The following NIPA1 variants were observed in gnomAD, a reference collection of about 807,000 sequenced individuals.
NIPA1 encodes the protein magnesium transporter NIPA1.
Under a neutral mutation model 23.9 loss-of-function variants are expected in NIPA1, and 13 were observed. The ratio of observed to expected loss-of-function variants is 0.54; its 90% CI spans 0.35 to 0.87. The LOEUF (loss-of-function observed/expected upper bound fraction) is 0.87. Among genes scored for constraint, NIPA1 ranks in the 40% least tolerant of loss-of-function variants. The probability of loss-of-function intolerance (pLI) is 0.01; values close to 1 mark genes in which losing one functional copy is unlikely to be tolerated. For synonymous variants in NIPA1, 234 were observed against 202.9 expected, an observed-to-expected ratio of 1.15 and a Z score of -1.30; for missense variants, 362 against 429.7, an observed-to-expected ratio of 0.84 and a Z score of 1.39.
intron 4 of NIPA1, 49 bp from the exon 5 acceptor site, chr15:22,823,679 C>A (rs113933707): frequency 1.6e-4 from 243 of 1,556,534 alleles, no homozygotes; most frequent in Non-Finnish European, 2.0e-4. Context: ...TCCTGGGTTG[C>A]GGCTGCTAGG....
intron 1 of NIPA1, among the ~76,000 whole-genome samples, chr15:22,805,915 T>A (rs576415340): frequency 2.5e-4 from 38 of 152,176 alleles, no homozygotes; most frequent in African/African-American, 4.3e-4. Flanking sequence ...TTATTTATTT[T>A]TTTTTACTTA....
At chr15:22,790,205 C>T (rs968719824) in intron 1 of NIPA1, among the ~76,000 whole-genome samples, 1 of 152,138 alleles carries the variant, frequency 6.6e-6, no homozygotes, top group South Asian at 2.1e-4. Context: ...TTCATACTTC[C>T]CCAGTGACCA....
chr15:22,818,920 T>C (rs1415466273), intron 3 of NIPA1, among the ~76,000 whole-genome samples: 1 of 152,226 alleles, frequency 6.6e-6, no homozygotes, highest in East Asian at 1.9e-4. Context: ...CTTTCCCATC[T>C]TGGCATAGTC....
chr15:22,788,512 A>AG (rs1317534329), intron 1 of NIPA1, among the ~76,000 whole-genome samples: 1 of 151,384 alleles, frequency 6.6e-6, no homozygotes, highest in Admixed American at 6.6e-5. Flanking sequence ...AAAAAAAAAA[A>AG]AAATCTTGCA....
In NIPA1 at chr15:22,824,047, C is replaced by A; in HGVS notation, c.798C>A (p.Val266=). 6.2e-7 allele frequency: 1 copy of A among 1,614,086 alleles called. No homozygotes were observed. Among genetic ancestry groups the A allele is most frequent in the East Asian group, 2.2e-5 (1 of 44,868 alleles). ...CGGTGTTCGGGGCCATCTACTACGT[C>A]GTGTTTACCACGCTGGTCCTGCTGG... ...DSSVFGAIYY[V]VFTTLVLLAS... Residue 266 remains valine (V), a synonymous_variant, in exon 5 of 5, where the codon GTC becomes GTA. Transcript: ENST00000337435. This position sits in a 1 kb window ranked among gnomAD's most constrained non-coding sequence, Gnocchi z 4.1.
At position 22,827,440 on chromosome 15, in the gene NIPA1, GC is replaced by G; in HGVS notation, c.*3204del. The G allele has an allele frequency of 6.6e-6, 1 of 152,340 alleles. No homozygotes were observed. Among genetic ancestry groups the G allele is most frequent in the East Asian group, 1.9e-4 (1 of 5,178 alleles). The allele number at this position is 152,340 out of a possible 1,614,324, so 9.4% of individuals were successfully genotyped here. On this transcript the variant is annotated 3_prime_UTR_variant, in exon 5 of 5. Transcript: ENST00000337435. ...TCCTTCCAGTGCCACATGGAGTGAGGCCCTGCCCATGCTGGGGACTTTGGGG... is the reference window on the plus strand; with the variant it reads ...TCCTTCCAGTGCCACATGGAGTGAGGCCTGCCCATGCTGGGGACTTTGGGG...
Position 22,823,612 on chromosome 15 carries a change from G to T in NIPA1, c.479-116G>T, listed in dbSNP as rs918635447. ...CCCACATGCTCCCCAGGGCTGTGCC[G>T]CAGTAGAGGCCGGTGGCGGGTGGCG... On this transcript the variant is annotated intron_variant, in intron 4 of 4. Transcript: ENST00000337435. 9 of 990,776 alleles carry T rather than the reference G, an allele frequency of 9.1e-6. No homozygotes were observed. The East Asian group carries it at 1.6e-4, about 17-fold the overall frequency. 61.4% of individuals were successfully genotyped at this position (990,776 alleles called of 1,614,324 possible).
chr15:22,786,700 CGG>C lies in NIPA1; in HGVS notation c.45_46del (p.Ala16ArgfsTer6). ...GCAGCGGCGGCGGCGGCGGCGGCGG[CGG>C]CCGGGGAGGGGGCGCGTAGCCCGAG... On this transcript the variant is annotated frameshift_variant, in exon 1 of 5. Transcript: ENST00000337435. LOFTEE classifies it high-confidence loss of function. 1.8e-6 allele frequency: 2 copies of C among 1,131,050 alleles called. No homozygotes were observed. The highest frequency in any genetic ancestry group is 4.5e-5 in the Admixed American group (1 of 22,320). 70.1% of individuals were successfully genotyped at this position (1,131,050 alleles called of 1,614,324 possible). A position where few individuals can be genotyped will look rare whatever the true frequency, so the allele number is the denominator to read the frequency against.
chr15:22,824,797 A>G lies in NIPA1; in HGVS notation c.*558A>G, dbSNP rs1440451732. ...GACTCTTCGACCCCCACCCCCACCCAAGACATTTTAATAGTAAATAGAGAG... is the reference window on the plus strand; with the variant it reads ...GACTCTTCGACCCCCACCCCCACCCGAGACATTTTAATAGTAAATAGAGAG... On this transcript the variant is annotated 3_prime_UTR_variant, in exon 5 of 5. Coordinates refer to ENST00000337435, the MANE Select transcript of NIPA1 (RefSeq NM_144599.5). This position sits in a 1 kb window ranked among gnomAD's most constrained non-coding sequence, Gnocchi z 4.1. 2.0e-5 allele frequency: 1 copy of G among 50,962 alleles called. No individual in the cohort carries two copies. Among genetic ancestry groups the G allele is most frequent in the Non-Finnish European group, 4.0e-5 (1 of 24,722 alleles). The allele number at this position is 50,962 out of a possible 1,614,324, so 3.2% of individuals were successfully genotyped here.
At position 22,829,349 on chromosome 15, in the gene NIPA1, C is replaced by G. The variant is rs1385900907; in HGVS notation, c.*5110C>G. ...GACACCAGGCGAATGTCAGGGCTCC[C>G]AAACCACTAGTGCCAAAGGGTCATG... On this transcript the variant is annotated 3_prime_UTR_variant, in exon 5 of 5. Coordinates refer to ENST00000337435, the MANE Select transcript of NIPA1 (RefSeq NM_144599.5). The G allele has an allele frequency of 1.3e-5, 2 of 152,330 alleles. No individual in the cohort carries two copies. Among genetic ancestry groups the G allele is most frequent in the African/African-American group, 4.8e-5 (2 of 41,418 alleles). The allele number at this position is 152,330 out of a possible 1,614,324, so 9.4% of individuals were successfully genotyped here.
At chr15:22,815,476 T>C (rs1191868263) in intron 3 of NIPA1, among the ~76,000 whole-genome samples, 1 of 152,112 alleles carries the variant, frequency 6.6e-6, no homozygotes, top group African/African-American at 2.4e-5. Flanking sequence ...ACCCTGTCTC[T>C]ACTAAAAATA....
rs938323892 is a variant in NIPA1, at chr15:22,829,585, T to G, written c.*5346T>G. 2 of 152,160 alleles carry G rather than the reference T, an allele frequency of 1.3e-5. No individual in the cohort carries two copies. Among genetic ancestry groups the G allele is most frequent in the African/African-American group, 4.8e-5 (2 of 41,424 alleles). The allele number at this position is 152,160 out of a possible 1,614,324, so 9.4% of individuals were successfully genotyped here. A position where few individuals can be genotyped will look rare whatever the true frequency, so the allele number is the denominator to read the frequency against. On this transcript the variant is annotated 3_prime_UTR_variant, in exon 5 of 5. Transcript: ENST00000337435. ...AAATGTTGATTGGTTGTGTAAAAGT[T>G]TTGTCATAGACATGTATTGGGGAGC... is the stretch of plus-strand genomic sequence containing the variant.
rs190461989 is a variant in NIPA1, at chr15:22,800,183, T to A, written c.179-10566T>A. 4.1e-3 allele frequency among the ~76,000 whole-genome samples: 617 copies of A among 151,910 alleles called. 4 individuals are homozygous for A. Among genetic ancestry groups the A allele is most frequent in the Non-Finnish European group, 6.8e-3 (460 of 67,974 alleles). On this transcript the variant is annotated intron_variant, in intron 1 of 4. Coordinates refer to ENST00000337435, the MANE Select transcript of NIPA1 (RefSeq NM_144599.5). ...ATTACTCAACCACAACAACAACAAA[T>A]CATCCTTCCTCAGCAATTTCGCTTT... is the stretch of plus-strand genomic sequence containing the variant.
intron 1 of NIPA1, among the ~76,000 whole-genome samples, chr15:22,808,676 A>ATTTTTTTTTTTTTT (rs1566783277): frequency 3.6e-4 from 19 of 52,570 alleles, no homozygotes; most frequent in Admixed American, 6.0e-4. Context: ...AAATAGCAAT[A>ATTTTTTTTTTTTTT]TTCTTTTTTT....
At position 22,826,696 on chromosome 15, in the gene NIPA1, C is replaced by T. The variant is rs1895660154; in HGVS notation, c.*2457C>T. On this transcript the variant is annotated 3_prime_UTR_variant, in exon 5 of 5. Coordinates refer to ENST00000337435, the MANE Select transcript of NIPA1 (RefSeq NM_144599.5). ...TCTCTATAATATTCTTAGAGTAAAA[C>T]AAAATCTCAAAAGTATTAATAGCTC... is the stretch of plus-strand genomic sequence containing the variant. The T allele has an allele frequency of 6.6e-6, 1 of 152,098 alleles. No homozygotes were observed. Among genetic ancestry groups the T allele is most frequent in the South Asian group, 2.1e-4 (1 of 4,824 alleles). The allele number at this position is 152,098 out of a possible 1,614,324, so 9.4% of individuals were successfully genotyped here.
At chr15:22,809,856 G>A (rs367991966) in intron 1 of NIPA1, among the ~76,000 whole-genome samples, 84 of 152,046 alleles carry the variant, frequency 5.5e-4, no homozygotes, top group East Asian at 3.9e-4. Flanking sequence ...CCTGACCAAC[G>A]TGGAGAAACC....
chr15:22,790,992 G>C (rs1439014523), intron 1 of NIPA1, among the ~76,000 whole-genome samples: 1 of 152,060 alleles, frequency 6.6e-6, no homozygotes, highest in Non-Finnish European at 1.5e-5. Context: ...TTAAATTTTT[G>C]GATGGATTTA....
intron 1 of NIPA1, among the ~76,000 whole-genome samples, chr15:22,797,059 A>G (rs56725110): frequency 0.091 from 12,816 of 141,578 alleles, 1,291 homozygotes; most frequent in African/African-American, 0.27. Flanking sequence ...TTTTTTTTTT[A>G]GATAAAGTCT....
chr15:22,802,584 A>AT (rs2140858650), intron 1 of NIPA1, among the ~76,000 whole-genome samples: 1 of 152,162 alleles, frequency 6.6e-6, no homozygotes, highest in South Asian at 2.1e-4. Flanking sequence ...ATTGCATAGA[A>AT]TAAGCTGCAC....
Sources: allele counts gnomAD v4.1 joint callset (sites outside exome capture counted in the v4.1 genomes callset), GRCh38; gene constraint gnomAD v4.1.1; non-coding constraint Gnocchi (gnomAD v3.1); transcripts MANE v1.5; gene names NCBI Gene and HGNC (gene_info 2026-07-23, HGNC 2026-07-21).